The following SCAPER variants were observed in gnomAD, a reference collection of about 807,000 sequenced individuals.
SCAPER encodes S-phase cyclin A associated protein in the ER.
A neutral mutation model predicts 182.2 loss-of-function variants in SCAPER; 98 were observed. That is an observed-to-expected ratio of 0.54 (90% confidence interval 0.46 to 0.64). The LOEUF is 0.64. SCAPER is among the 30% of genes least tolerant of loss of function. The pLI, the probability that SCAPER is intolerant of heterozygous loss-of-function variation, is 0.00. For synonymous variants in SCAPER, 605 were observed against 564.6 expected, an observed-to-expected ratio of 1.07 and a Z score of -1.01; for missense variants, 1,432 against 1,690.0, an observed-to-expected ratio of 0.85 and a Z score of 2.68.
intron 2 of SCAPER, among the ~76,000 whole-genome samples, chr15:76,875,944 A>G (rs2073118687): frequency 6.6e-6 from 1 of 152,146 alleles, no homozygotes; most frequent in South Asian, 2.1e-4. Flanking sequence ...AGGCTCAGGC[A>G]TGGCGGGCTG....
At chr15:76,527,380 T>C (rs1370002437) in intron 23 of SCAPER, among the ~76,000 whole-genome samples, 1 of 152,158 alleles carries the variant, frequency 6.6e-6, no homozygotes, top group Non-Finnish European at 1.5e-5. Context: ...TTGCTTTCCT[T>C]GGGCACCTAG....
At chr15:76,848,008 G>A (rs2070292821) in intron 4 of SCAPER, among the ~76,000 whole-genome samples, 1 of 152,104 alleles carries the variant, frequency 6.6e-6, no homozygotes, top group African/African-American at 2.4e-5. Context: ...CAAAAATAAA[G>A]ACTTTTTTCT....
At chr15:76,829,073 A>C (rs1411313073) in intron 5 of SCAPER, among the ~76,000 whole-genome samples, 1 of 152,154 alleles carries the variant, frequency 6.6e-6, no homozygotes, top group Non-Finnish European at 1.5e-5. Context: ...CCATCAACCA[A>C]CAAGTGGACA....
At chr15:76,446,769 C>G (rs1460100010) in intron 25 of SCAPER, among the ~76,000 whole-genome samples, 1 of 152,174 alleles carries the variant, frequency 6.6e-6, no homozygotes, top group Non-Finnish European at 1.5e-5. Flanking sequence ...CATCCATAAT[C>G]TCATAATACT....
At chr15:76,465,181 A>G (rs1364872036) in intron 25 of SCAPER, among the ~76,000 whole-genome samples, 1 of 152,170 alleles carries the variant, frequency 6.6e-6, no homozygotes, top group Non-Finnish European at 1.5e-5. Context: ...TATAAACAAC[A>G]AACAGAAATT....
chr15:76,590,828 C>T (rs573706005), intron 22 of SCAPER, among the ~76,000 whole-genome samples: 22 of 152,270 alleles, frequency 1.4e-4, no homozygotes, highest in South Asian at 6.2e-4. Context: ...AAATGTGATA[C>T]ATACACACAA....
intron 5 of SCAPER, among the ~76,000 whole-genome samples, chr15:76,826,682 T>G (rs545469899): frequency 6.6e-6 from 1 of 152,138 alleles, no homozygotes; most frequent in African/African-American, 2.4e-5. Flanking sequence ...TTAAATAAAT[T>G]ATAAAAGGAA....
In SCAPER at chr15:76,434,066, T is replaced by C. The variant is rs117956610; in HGVS notation, c.3311+12A>G. Reference sequence around the variant, plus strand: ...ACAAAGAACAAAGTTTTAAGAACTCTAGCAATTTTACCTGATAAGGTCCTG... The same window carrying C: ...ACAAAGAACAAAGTTTTAAGAACTCCAGCAATTTTACCTGATAAGGTCCTG... On this transcript the variant is annotated intron_variant, in intron 26 of 31. Transcript: ENST00000563290. The C allele has an allele frequency of 2.0e-5, 32 of 1,600,054 alleles. No individual in the cohort carries two copies. The East Asian group carries it at 6.5e-4, about 32-fold the overall frequency.
At chr15:76,767,142 G>C in intron 10 of SCAPER, 54 bp from the exon 11 acceptor site, 1 of 1,442,596 alleles carries the variant, frequency 6.9e-7, no homozygotes. Context: ...TGACTGGAAA[G>C]TAATCATTTT....
At chr15:76,424,399 T>G (rs1291808180) in intron 26 of SCAPER, among the ~76,000 whole-genome samples, 4 of 152,252 alleles carry the variant, frequency 2.6e-5, no homozygotes, top group Admixed American at 2.6e-4. Flanking sequence ...TTTTGATCTT[T>G]GTTGGCTTAA....
intron 22 of SCAPER, among the ~76,000 whole-genome samples, chr15:76,605,086 T>C (rs570976394): frequency 6.6e-6 from 1 of 152,314 alleles, no homozygotes; most frequent in Non-Finnish European, 1.5e-5. Flanking sequence ...AGAGGGGGCA[T>C]CCCTGTCTTG....
At chr15:76,800,123 T>C (rs1341412537) in intron 7 of SCAPER, 125 bp downstream of exon 7, 4 of 241,038 alleles carry the variant, frequency 1.7e-5, no homozygotes, top group African/African-American at 2.3e-5. Flanking sequence ...TCAGAACCTG[T>C]ATACAGTATT....
intron 5 of SCAPER, among the ~76,000 whole-genome samples, chr15:76,829,601 G>A (rs2068282846): frequency 6.6e-6 from 1 of 151,858 alleles, no homozygotes; most frequent in Non-Finnish European, 1.5e-5. Flanking sequence ...TTACTCTATT[G>A]AAATCCCAAT....
intron 2 of SCAPER, among the ~76,000 whole-genome samples, chr15:76,880,009 T>C (rs999022769): frequency 5.9e-5 from 9 of 152,210 alleles, no homozygotes; most frequent in Non-Finnish European, 1.3e-4. Context: ...GGCAGAATGA[T>C]TTTTAAAAAG....
chr15:76,386,018 G>C (rs913302652), intron 27 of SCAPER, among the ~76,000 whole-genome samples: 2 of 152,228 alleles, frequency 1.3e-5, no homozygotes, highest in African/African-American at 4.8e-5. Flanking sequence ...ATCCAGGGAA[G>C]AATCTGTTTC....
intron 17 of SCAPER, among the ~76,000 whole-genome samples, chr15:76,721,502 T>C (rs1260834118): frequency 6.6e-6 from 1 of 152,012 alleles, no homozygotes; most frequent in African/African-American, 2.4e-5. Context: ...ATTGAATCTA[T>C]AAATTACCTT....
intron 14 of SCAPER, among the ~76,000 whole-genome samples, chr15:76,763,045 C>A (rs2062888656): frequency 6.6e-6 from 1 of 152,146 alleles, no homozygotes; most frequent in African/African-American, 2.4e-5. Flanking sequence ...TACATTTACT[C>A]CTGAGCTTTA....
In SCAPER at chr15:76,637,742, ATGTGTGTGTGTGTGTGTGTGTGTG is replaced by A. The variant is rs55726181; in HGVS notation, c.2646-15937_2646-15914del. Among the ~76,000 whole-genome samples, 786 of 105,824 alleles carry A rather than the reference ATGTGTGTGTGTGTGTGTGTGTGTG, an allele frequency of 7.4e-3. 23 individuals are homozygous for A. Among genetic ancestry groups the A allele is most frequent in the African/African-American group, 0.027 (721 of 26,602 alleles). 69.4% of individuals were successfully genotyped at this position (105,824 alleles called of 152,430 possible). On this transcript the variant is annotated intron_variant, in intron 21 of 31. Coordinates refer to ENST00000563290, the MANE Select transcript of SCAPER (RefSeq NM_020843.4). ...TGTGATTATATATATATATATATAT[ATGTGTGTGTGTGTGTGTGTGTGTG>A]TGTGTGTGTGTGTGTGTGTGTGTGT...
At chr15:76,539,642 T>C (rs1192168398) in intron 23 of SCAPER, among the ~76,000 whole-genome samples, 1 of 142,558 alleles carries the variant, frequency 7.0e-6, no homozygotes, top group Non-Finnish European at 1.5e-5. Context: ...CCCCTTGGGG[T>C]TCATGCCATT....
Sources: allele counts gnomAD v4.1 joint callset (sites outside exome capture counted in the v4.1 genomes callset), GRCh38; gene constraint gnomAD v4.1.1; transcripts MANE v1.5; gene names NCBI Gene and HGNC (gene_info 2026-07-23, HGNC 2026-07-21).